ZFHX4: variants seen among roughly 807,000 people sequenced by gnomAD.
The protein encoded by ZFHX4 is zinc finger homeobox 4.
In ZFHX4, 56 loss-of-function variants were observed where a neutral mutation model predicts 267.6. The observed-to-expected ratio is 0.21, with a 90% confidence interval of 0.17 to 0.26. ZFHX4 has a LOEUF of 0.26. ZFHX4 is among the 10% of genes least tolerant of loss of function. The pLI, the probability that ZFHX4 is intolerant of heterozygous loss-of-function variation, is 1.00. For synonymous variants in ZFHX4, 1,778 were observed against 1,665.6 expected, an observed-to-expected ratio of 1.07 and a Z score of -1.64; for missense variants, 4,332 against 4,420.0, an observed-to-expected ratio of 0.98 and a Z score of 0.56.
At chr8:76,731,509 G>C (rs981620372) in intron 3 of ZFHX4, among the ~76,000 whole-genome samples, 2 of 152,146 alleles carry the variant, frequency 1.3e-5, no homozygotes, top group African/African-American at 4.8e-5. Context: ...ACTGTGATGC[G>C]ATGCAGCTAT....
chr8:76,690,726 G>GACAC (rs151254583), intron 1 of ZFHX4, among the ~76,000 whole-genome samples: 1 of 150,666 alleles, frequency 6.6e-6, no homozygotes, highest in Non-Finnish European at 1.5e-5. Flanking sequence ...TATACAGACA[G>GACAC]ACACACACAC....
chr8:76,798,217 T>C (rs1197824237), intron 4 of ZFHX4, among the ~76,000 whole-genome samples: 1 of 152,188 alleles, frequency 6.6e-6, no homozygotes, highest in Non-Finnish European at 1.5e-5. Context: ...ATGGTGTATG[T>C]ATCATGATTT....
chr8:76,844,708 C>A (rs1305464941), intron 6 of ZFHX4, among the ~76,000 whole-genome samples: 1 of 152,050 alleles, frequency 6.6e-6, no homozygotes, highest in African/African-American at 2.4e-5. Flanking sequence ...CAAATTGTAT[C>A]CCCATATAAA....
chr8:76,718,471 A>G, intron 3 of ZFHX4, among the ~76,000 whole-genome samples: 1 of 152,140 alleles, frequency 6.6e-6, no homozygotes, highest in Non-Finnish European at 1.5e-5. Flanking sequence ...AAACCCGCAC[A>G]TTTGGATGGA....
chr8:76,724,340 T>C (rs1225918869), intron 3 of ZFHX4, among the ~76,000 whole-genome samples: 1 of 152,046 alleles, frequency 6.6e-6, no homozygotes, highest in Non-Finnish European at 1.5e-5. Context: ...AGAAACTGTG[T>C]CGCCTGCTCT....
intron 4 of ZFHX4, among the ~76,000 whole-genome samples, chr8:76,809,657 G>A (rs539086474): frequency 6.6e-6 from 1 of 152,236 alleles, no homozygotes; most frequent in African/African-American, 2.4e-5. Flanking sequence ...TCTAATGACT[G>A]TCTAATACTT....
In ZFHX4 at chr8:76,779,091, A is replaced by G. The variant is rs562717550; in HGVS notation, c.3325+652A>G. 7.9e-5 allele frequency among the ~76,000 whole-genome samples: 12 copies of G among 152,252 alleles called. No individual in the cohort carries two copies. In the East Asian group the frequency reaches 2.3e-3, roughly 29 times the overall value. On this transcript the variant is annotated intron_variant, in intron 4 of 10. Coordinates refer to ENST00000651372, the MANE Select transcript of ZFHX4 (RefSeq NM_024721.5). ...TGAAATCCAGAAACAGATGGTCGTG[A>G]GCTAAAAACCACATGCGAAACTTTA...
intron 4 of ZFHX4, among the ~76,000 whole-genome samples, chr8:76,816,889 C>A (rs888013414): frequency 1.3e-5 from 2 of 152,072 alleles, no homozygotes; most frequent in African/African-American, 4.8e-5. Flanking sequence ...AGCCACCGTG[C>A]CCAGCCTTAA....
chr8:76,813,008 A>G (rs796996400), intron 4 of ZFHX4, among the ~76,000 whole-genome samples: 4 of 152,316 alleles, frequency 2.6e-5, no homozygotes, highest in African/African-American at 9.6e-5. Flanking sequence ...TGTGATATTT[A>G]AAAGCCTCAA....
rs573385328 is a variant in ZFHX4 at position 76,856,320 on chromosome 8, C to T, written c.9379+20C>T. 1.1e-5 allele frequency: 18 copies of T among 1,612,404 alleles called. No homozygotes were observed. In the South Asian group the frequency reaches 1.9e-4, roughly 17 times the overall value. ...CAAACAGTAAGTCATTTAAAGGAGA[C>T]TCAGTCTAGTTAATTAAGTAGCATC... On this transcript the variant is annotated intron_variant, in intron 10 of 10. Transcript: ENST00000651372.
At position 76,701,188 on chromosome 8, in the gene ZFHX4, G is replaced by T. The variant is rs1441167398; in HGVS notation, c.-46-2855G>T. Among the ~76,000 whole-genome samples the T allele has an allele frequency of 3.9e-5, 6 of 152,140 alleles. No homozygotes were observed. The South Asian group carries it at 1.0e-3, about 26-fold the overall frequency. ...TATACTGAAAAACATTGTCATGGTT[G>T]TAGCCAATAGCAACAAAATAAAAAT... On this transcript the variant is annotated intron_variant, in intron 1 of 10. Coordinates refer to ENST00000651372, the MANE Select transcript of ZFHX4 (RefSeq NM_024721.5).
chr8:76,735,599 C>T (rs532996815), intron 3 of ZFHX4, among the ~76,000 whole-genome samples: 2 of 152,176 alleles, frequency 1.3e-5, no homozygotes, highest in Admixed American at 1.3e-4. Context: ...TTTTATAACA[C>T]AATTTCTGTT....
At chr8:76,760,443 G>T (rs1260627613) in intron 3 of ZFHX4, among the ~76,000 whole-genome samples, 1 of 152,132 alleles carries the variant, frequency 6.6e-6, no homozygotes, top group African/African-American at 2.4e-5. Context: ...TTTCATGGAG[G>T]TACAGTTTGA....
chr8:76,840,032 CT>C (rs1812194050), intron 5 of ZFHX4, among the ~76,000 whole-genome samples: 1 of 152,114 alleles, frequency 6.6e-6, no homozygotes, highest in Non-Finnish European at 1.5e-5. Context: ...TATAAGTTAC[CT>C]TTTGATTATT....
At chr8:76,824,019 A>T (rs1248439711) in intron 4 of ZFHX4, among the ~76,000 whole-genome samples, 3 of 152,338 alleles carry the variant, frequency 2.0e-5, no homozygotes, top group Non-Finnish European at 4.4e-5. Context: ...CCTTACAGTG[A>T]CTAGGTGTGA....
chr8:76,849,758 G>A (rs1448353935), intron 8 of ZFHX4, 46 bp downstream of exon 8: 7 of 1,513,782 alleles, frequency 4.6e-6, no homozygotes, highest in South Asian at 1.1e-5. Context: ...ATCTGTGTCA[G>A]GAATATCAAT....
rs767419939 is a variant in ZFHX4 at position 76,705,890 on chromosome 8, CAGGGCCTGGAGGAGACGG to C, written c.1803_1820del (p.Gly602_Gly607del). ...TTTACCCCGAGTACTCCTGGCACACCAGGGCCTGGAGGAGACGGCTCACCGGGCAGTGGCATCGAGTGT... is the reference window on the plus strand; with the variant it reads ...TTTACCCCGAGTACTCCTGGCACACCCTCACCGGGCAGTGGCATCGAGTGT... On this transcript the variant is annotated inframe_deletion, in exon 2 of 11. Transcript: ENST00000651372. The C allele has an allele frequency of 6.2e-7, 1 of 1,613,756 alleles. No individual in the cohort carries two copies. The highest frequency in any genetic ancestry group is 8.5e-7 in the Non-Finnish European group (1 of 1,179,854).
At chr8:76,755,426 C>G (rs915373708) in intron 3 of ZFHX4, among the ~76,000 whole-genome samples, 5 of 152,106 alleles carry the variant, frequency 3.3e-5, no homozygotes, top group Admixed American at 3.3e-4. Flanking sequence ...TTACTTTCCT[C>G]TTTTTGACTA....
At chr8:76,786,737 A>T (rs1452232243) in intron 4 of ZFHX4, among the ~76,000 whole-genome samples, 1 of 152,198 alleles carries the variant, frequency 6.6e-6, no homozygotes, top group Non-Finnish European at 1.5e-5. Context: ...AAAGCCCTGA[A>T]TAATTGTGTT....
Sources: allele counts gnomAD v4.1 joint callset (sites outside exome capture counted in the v4.1 genomes callset), GRCh38; gene constraint gnomAD v4.1.1; transcripts MANE v1.5; gene names NCBI Gene and HGNC (gene_info 2026-07-23, HGNC 2026-07-21).